GUCA1C: variants seen among roughly 807,000 people sequenced by gnomAD.
GUCA1C encodes guanylate cyclase activator 1C, also known as guanylyl cyclase-activating protein 3.
A neutral mutation model predicts 16.2 loss-of-function variants in GUCA1C; 15 were observed. The observed-to-expected ratio is 0.93, with a 90% CI of 0.62 to 1.43. GUCA1C has a LOEUF of 1.43. Among genes scored for constraint, GUCA1C ranks in the 40% most tolerant of loss-of-function variants. The pLI, the probability that GUCA1C is intolerant of heterozygous loss-of-function variation, is 0.00. For synonymous variants in GUCA1C, 78 were observed against 85.4 expected (o/e 0.91, Z 0.48); for missense variants, 275 against 244.8 (o/e 1.12, Z -0.82).
At chr3:108,914,575 T>C (rs927386884) in intron 3 of GUCA1C, among the ~76,000 whole-genome samples, 1 of 152,216 alleles carries the variant, frequency 6.6e-6, no homozygotes, top group African/African-American at 2.4e-5. Context: ...TGAAAGTCAC[T>C]GTATAAACCA....
At position 108,953,860 on chromosome 3, in the gene GUCA1C, T is replaced by G. The variant is rs1946924950; in HGVS notation, c.-98A>C. 1.3e-6 allele frequency: 1 copy of G among 780,864 alleles called. No individual in the cohort carries two copies. The highest frequency in any genetic ancestry group is 2.2e-6 in the Non-Finnish European group (1 of 449,654). 48.4% of individuals were successfully genotyped at this position (780,864 alleles called of 1,614,324 possible). A position where few individuals can be genotyped will look rare whatever the true frequency, so the allele number is the denominator to read the frequency against. Reference sequence around the variant, plus strand: ...CTCACTAAAACTGAAGGCTAACATATGCCCTCAGAAAGCTACTCTAAACCT... The same window carrying G: ...CTCACTAAAACTGAAGGCTAACATAGGCCCTCAGAAAGCTACTCTAAACCT... On this transcript the variant is annotated 5_prime_UTR_variant, in exon 1 of 4. Transcript: ENST00000261047.
chr3:108,917,895 A>G (rs951285227), intron 2 of GUCA1C, among the ~76,000 whole-genome samples: 3 of 152,076 alleles, frequency 2.0e-5, no homozygotes, highest in African/African-American at 7.2e-5. Context: ...AAATACAAAA[A>G]TTAGCCAGGC....
intron 1 of GUCA1C, among the ~76,000 whole-genome samples, chr3:108,946,567 G>GT (rs1404659949): frequency 4.6e-5 from 7 of 152,130 alleles, no homozygotes; most frequent in African/African-American, 1.7e-4. Context: ...ATTCACTAAA[G>GT]TAAGACAACC....
chr3:108,919,069 C>T (rs1269580942), intron 2 of GUCA1C, among the ~76,000 whole-genome samples: 1 of 152,090 alleles, frequency 6.6e-6, no homozygotes, highest in African/African-American at 2.4e-5. Flanking sequence ...CCACTTACAC[C>T]CTCTCCACAG....
At chr3:108,909,149 A>G (rs1364941910) in intron 3 of GUCA1C, among the ~76,000 whole-genome samples, 1 of 152,234 alleles carries the variant, frequency 6.6e-6, no homozygotes, top group Non-Finnish European at 1.5e-5. Flanking sequence ...ATTGATTCAA[A>G]TGTCAAACAG....
At position 108,908,179 on chromosome 3, in the gene GUCA1C, C is replaced by A. The variant is rs752965142; in HGVS notation, c.473G>T (p.Gly158Val). 1.9e-6 allele frequency: 3 copies of A among 1,613,338 alleles called. No individual in the cohort carries two copies. Among genetic ancestry groups the A allele is most frequent in the Non-Finnish European group, 2.5e-6 (3 of 1,179,548 alleles). ...CAGGAGATCCTGATCTTTTGCCATGCCATTGATAAATTCTTCTAAAGTCAA... is the reference window on the plus strand; with the variant it reads ...CAGGAGATCCTGATCTTTTGCCATGACATTGATAAATTCTTCTAAAGTCAA... ...GELTLEEFIN[G>V]MAKDQDLLEI... Residue 158 changes from glycine (G) to valine (V), a missense_variant, in exon 4 of 4, where the codon GGC (glycine) becomes GTC (valine). Transcript: ENST00000261047.
chr3:108,913,796 G>A (rs1435107939), intron 3 of GUCA1C, among the ~76,000 whole-genome samples: 4 of 151,996 alleles, frequency 2.6e-5, no homozygotes, highest in East Asian at 3.9e-4. Flanking sequence ...GGCTGGGCAC[G>A]GTGGCTCACA....
chr3:108,947,537 AAAGTTT>A (rs1356759446), intron 1 of GUCA1C, among the ~76,000 whole-genome samples: 1 of 152,244 alleles, frequency 6.6e-6, no homozygotes, highest in Non-Finnish European at 1.5e-5. Flanking sequence ...TTGTCTATTT[AAAGTTT>A]AAGATGGAAT....
At chr3:108,922,154 TACACAAACACACACACAC>T (rs1182972255) in intron 1 of GUCA1C, among the ~76,000 whole-genome samples, 1,015 of 91,188 alleles carry the variant, frequency 0.011, 18 homozygotes, top group Middle Eastern at 0.015. Context: ...CACACACACA[TACACAAACACACACACAC>T]ACACACACAC....
chr3:108,932,644 G>A lies in GUCA1C; in HGVS notation c.205-12059C>T, dbSNP rs188422007. ...CTATAACAATAAAGTCCAGCAGGCC[G>A]GGCACGGTGGCTCACGCCTGTAATC... On this transcript the variant is annotated intron_variant, in intron 1 of 3. Coordinates refer to ENST00000261047, the MANE Select transcript of GUCA1C (RefSeq NM_005459.4). Among the ~76,000 whole-genome samples the A allele has an allele frequency of 7.7e-3, 1,169 of 152,214 alleles. 6 individuals carry two copies. The highest frequency in any genetic ancestry group is 0.019 in the African/African-American group (781 of 41,556).
At chr3:108,930,924 G>A (rs755915497) in intron 1 of GUCA1C, among the ~76,000 whole-genome samples, 11 of 152,178 alleles carry the variant, frequency 7.2e-5, no homozygotes, top group South Asian at 2.1e-4. Flanking sequence ...TCTCCAGATT[G>A]AGCAGGACAT....
chr3:108,918,935 A>C (rs1319847655), intron 2 of GUCA1C, among the ~76,000 whole-genome samples: 1 of 152,104 alleles, frequency 6.6e-6, no homozygotes, highest in African/African-American at 2.4e-5. Flanking sequence ...CTGTGATATA[A>C]ATCACAGGAC....
chr3:108,947,615 T>C (rs1372479404), intron 1 of GUCA1C, among the ~76,000 whole-genome samples: 1 of 152,240 alleles, frequency 6.6e-6, no homozygotes, highest in Non-Finnish European at 1.5e-5. Flanking sequence ...TCCTTATTGG[T>C]ATAGATGAAT....
chr3:108,954,263 A>T (rs1946928007), upstream of GUCA1C, among the ~76,000 whole-genome samples: 1 of 152,202 alleles, frequency 6.6e-6, no homozygotes, highest in South Asian at 2.1e-4. Flanking sequence ...TATTGTGAAG[A>T]TATATTTAGA....
chr3:108,939,412 C>T (rs530181130), intron 1 of GUCA1C, among the ~76,000 whole-genome samples: 27 of 140,632 alleles, frequency 1.9e-4, no homozygotes, highest in Middle Eastern at 4.0e-3. Flanking sequence ...CTGCAACCTC[C>T]GCCTCCCGGG....
intron 1 of GUCA1C, among the ~76,000 whole-genome samples, chr3:108,933,973 A>G (rs1409835338): frequency 6.6e-6 from 1 of 152,234 alleles, no homozygotes; most frequent in Admixed American, 6.5e-5. Flanking sequence ...AACATTGTAC[A>G]TATACACCAT....
At chr3:108,953,465 T>G in intron 1 of GUCA1C, 94 bp downstream of exon 1, 1 of 808,762 alleles carries the variant, frequency 1.2e-6, no homozygotes, top group South Asian at 1.6e-5. Context: ...GATGTACACA[T>G]TTTACTTAAG....
intron 1 of GUCA1C, among the ~76,000 whole-genome samples, chr3:108,935,410 G>T (rs1283464908): frequency 1.3e-5 from 2 of 151,936 alleles, no homozygotes; most frequent in Admixed American, 6.6e-5. Flanking sequence ...AAGCATAAAG[G>T]CCGGGTGCGG....
chr3:108,923,038 T>C (rs988686467), intron 1 of GUCA1C, among the ~76,000 whole-genome samples: 1 of 152,118 alleles, frequency 6.6e-6, no homozygotes, highest in Non-Finnish European at 1.5e-5. Flanking sequence ...TTTTTCTTGT[T>C]AATTTGTTTG....
Sources: allele counts gnomAD v4.1 joint callset (sites outside exome capture counted in the v4.1 genomes callset), GRCh38; gene constraint gnomAD v4.1.1; transcripts MANE v1.5; gene names NCBI Gene and HGNC (gene_info 2026-07-23, HGNC 2026-07-21).